GALNT13: variants seen among roughly 807,000 people sequenced by gnomAD.
GALNT13 encodes UDP-GalNAc:polypeptide N-acetylgalactosaminyltransferase 13.
In GALNT13, 28 loss-of-function variants were observed where a neutral mutation model predicts 64.2. The ratio of observed to expected loss-of-function variants is 0.44; its 90% confidence interval spans 0.32 to 0.60. GALNT13 has a LOEUF of 0.60. Among genes scored for constraint, GALNT13 ranks in the 20% least tolerant of loss-of-function variants. The probability of loss-of-function intolerance (pLI) is 0.05; values close to 1 mark genes in which losing one functional copy is unlikely to be tolerated. For missense variants in GALNT13, 577 were observed against 669.8 expected, an observed-to-expected ratio of 0.86 and a Z score of 1.53; for synonymous variants, 214 against 224.6, an observed-to-expected ratio of 0.95 and a Z score of 0.42.
the GALNT13 span, among the ~76,000 whole-genome samples, chr2:153,581,864 A>G: frequency 6.6e-6 from 1 of 152,022 alleles, no homozygotes; most frequent in East Asian, 1.9e-4. Context: ...GACTACATTT[A>G]TTTCTTTTCT....
intron 8 of GALNT13, among the ~76,000 whole-genome samples, chr2:154,267,427 G>T (rs913959127): frequency 6.6e-6 from 1 of 152,044 alleles, no homozygotes; most frequent in African/African-American, 2.4e-5. Flanking sequence ...ATCACTTAAG[G>T]TCAGGAGTTT....
At chr2:154,204,432 G>T (rs549916744) in intron 4 of GALNT13, among the ~76,000 whole-genome samples, 2 of 151,956 alleles carry the variant, frequency 1.3e-5, no homozygotes, top group African/African-American at 4.8e-5. Flanking sequence ...ACATTTCAAG[G>T]CACGATAACT....
At chr2:153,537,917 T>C in the GALNT13 span, among the ~76,000 whole-genome samples, 1 of 152,210 alleles carries the variant, frequency 6.6e-6, no homozygotes, top group African/African-American at 2.4e-5. Flanking sequence ...CAGTTCTTTA[T>C]AGCAGCATGT....
At chr2:153,837,797 G>A in the GALNT13 span, among the ~76,000 whole-genome samples, 5 of 152,014 alleles carry the variant, frequency 3.3e-5, no homozygotes, top group Non-Finnish European at 7.4e-5. Context: ...AAATAGGTTT[G>A]CTGGATCATG....
the GALNT13 span, among the ~76,000 whole-genome samples, chr2:153,093,569 T>C: frequency 0.015 from 2,250 of 152,270 alleles, 62 homozygotes; most frequent in African/African-American, 0.051. Context: ...TATTGTTGAA[T>C]TCAGTTTGCT....
the GALNT13 span, among the ~76,000 whole-genome samples, chr2:153,289,147 G>C: frequency 6.6e-6 from 1 of 151,956 alleles, no homozygotes; most frequent in African/African-American, 2.4e-5. Context: ...CTTTTCATTT[G>C]ACTCAAGAAT....
chr2:153,728,274 T>G, the GALNT13 span, among the ~76,000 whole-genome samples: 1 of 152,232 alleles, frequency 6.6e-6, no homozygotes, highest in Non-Finnish European at 1.5e-5. Flanking sequence ...ATGGGATTGC[T>G]GAGTCAAATG....
the GALNT13 span, among the ~76,000 whole-genome samples, chr2:153,443,233 G>A: frequency 6.6e-6 from 1 of 152,196 alleles, no homozygotes; most frequent in East Asian, 1.9e-4. Flanking sequence ...GGGAAAAGTG[G>A]AGTATCTGGG....
chr2:153,878,358 C>T (rs1686539130), intron 1 of GALNT13, among the ~76,000 whole-genome samples: 1 of 152,152 alleles, frequency 6.6e-6, no homozygotes, highest in African/African-American at 2.4e-5. Context: ...GCCCATCTTA[C>T]TCTGAACCAC....
At chr2:153,634,084 A>G in the GALNT13 span, among the ~76,000 whole-genome samples, 29,760 of 152,134 alleles carry the variant, frequency 0.2, 3,106 homozygotes, top group African/African-American at 0.25. Flanking sequence ...TTTGTGTGGC[A>G]TATTGGTGAA....
intron 3 of GALNT13, among the ~76,000 whole-genome samples, chr2:154,131,823 C>T (rs1682637339): frequency 6.6e-6 from 1 of 152,166 alleles, no homozygotes; most frequent in African/African-American, 2.4e-5. Context: ...CAGTCCAAGT[C>T]CCAAAACCTC....
chr2:154,182,884 G>A (rs1373226087), intron 4 of GALNT13, among the ~76,000 whole-genome samples: 7 of 152,024 alleles, frequency 4.6e-5, no homozygotes, highest in Admixed American at 2.6e-4. Context: ...AATCCCACTT[G>A]ATCATTGTGT....
At chr2:154,150,528 GGT>G (rs570421835) in intron 4 of GALNT13, among the ~76,000 whole-genome samples, 515 of 152,234 alleles carry the variant, frequency 3.4e-3, no homozygotes, top group Non-Finnish European at 5.7e-3. Flanking sequence ...TTGTACCTCT[GGT>G]AGAATTCGGC....
chr2:153,164,720 A>G, the GALNT13 span, among the ~76,000 whole-genome samples: 32 of 152,300 alleles, frequency 2.1e-4, no homozygotes, highest in East Asian at 4.1e-3. Flanking sequence ...AACATATTTT[A>G]AAGTGTACAG....
At chr2:153,153,294 A>G in the GALNT13 span, among the ~76,000 whole-genome samples, 9 of 148,956 alleles carry the variant, frequency 6.0e-5, no homozygotes, top group South Asian at 1.7e-3. Flanking sequence ...TAGATGCTGT[A>G]TATTAGACTT....
chr2:154,349,608 A>G (rs1696274646), intron 9 of GALNT13, among the ~76,000 whole-genome samples: 1 of 152,230 alleles, frequency 6.6e-6, no homozygotes, highest in Admixed American at 6.5e-5. Flanking sequence ...TTACTATGAT[A>G]TCATTCAAAT....
the GALNT13 span, among the ~76,000 whole-genome samples, chr2:153,437,710 C>CT: frequency 2.0e-5 from 3 of 151,956 alleles, no homozygotes; most frequent in Admixed American, 1.3e-4. Context: ...TATTTTGAGC[C>CT]TATGTGTGTC....
At chr2:153,967,998 C>A in intron 3 of GALNT13, among the ~76,000 whole-genome samples, 1 of 147,498 alleles carries the variant, frequency 6.8e-6, no homozygotes, top group Non-Finnish European at 1.5e-5. Context: ...TATCTTCTCT[C>A]CTGACCCAAG....
the GALNT13 span, among the ~76,000 whole-genome samples, chr2:153,353,290 A>C: frequency 1.3e-5 from 2 of 152,180 alleles, no homozygotes; most frequent in African/African-American, 4.8e-5. Flanking sequence ...TGGGTTTTAC[A>C]CACTAGTCTT....
Sources: gnomAD v4.1 joint callset for allele counts (sites outside exome capture counted in the v4.1 genomes callset) on GRCh38, gnomAD v4.1.1 for gene constraint, MANE v1.5 for transcripts, NCBI Gene and HGNC (gene_info 2026-07-23, HGNC 2026-07-21) for gene names.